ANK2: variants seen among roughly 807,000 people sequenced by gnomAD.
ANK2 encodes the protein ankyrin-2.
A neutral mutation model predicts 360.5 loss-of-function variants in ANK2; 83 were observed. The observed-to-expected ratio is 0.23, with a 90% confidence interval of 0.19 to 0.28. The LOEUF is 0.28. Among genes scored for constraint, ANK2 ranks in the 10% least tolerant of loss-of-function variants. The probability of loss-of-function intolerance (pLI) is 1.00; values close to 1 mark genes in which losing one functional copy is unlikely to be tolerated. For missense variants in ANK2, 4,201 were observed against 4,795.7 expected, an observed-to-expected ratio of 0.88 and a Z score of 3.66; for synonymous variants, 1,740 against 1,759.5, an observed-to-expected ratio of 0.99 and a Z score of 0.28.
intron 1 of ANK2, among the ~76,000 whole-genome samples, chr4:112,857,210 GA>G (rs1044966087): frequency 3.2e-4 from 48 of 151,714 alleles, no homozygotes; most frequent in African/African-American, 9.9e-4. Flanking sequence ...AGTAGGAGGA[GA>G]AAAAAAAGTT....
chr4:113,192,542 T>A (rs2153368321), intron 2 of ANK2, among the ~76,000 whole-genome samples: 1 of 152,306 alleles, frequency 6.6e-6, no homozygotes, highest in East Asian at 1.9e-4. Context: ...GTTTAGCATT[T>A]AATTATTTTA....
chr4:113,264,887 T>A lies in ANK2; in HGVS notation c.1387-10T>A. ...TAATTTATGATTTGACGATCTTTGT[T>A]CCCTGGCAGCGTGGTGAGACGGCAC... is the stretch of plus-strand genomic sequence containing the variant. On this transcript the variant is annotated splice_polypyrimidine_tract_variant and intron_variant, in intron 13 of 45. Coordinates refer to ENST00000357077, the MANE Select transcript of ANK2 (RefSeq NM_001148.6). 1 of 1,557,022 alleles carries A rather than the reference T, an allele frequency of 6.4e-7. No individual in the cohort carries two copies. The highest frequency in any genetic ancestry group is 8.7e-7 in the Non-Finnish European group (1 of 1,149,486).
At chr4:113,154,134 A>G (rs1277760361) in intron 1 of ANK2, among the ~76,000 whole-genome samples, 2 of 152,222 alleles carry the variant, frequency 1.3e-5, no homozygotes, top group Admixed American at 1.3e-4. Flanking sequence ...CTCTGCCAGC[A>G]AATGGGCCCT....
At chr4:113,060,200 T>C (rs2072465170) in intron 1 of ANK2, among the ~76,000 whole-genome samples, 1 of 152,132 alleles carries the variant, frequency 6.6e-6, no homozygotes, top group African/African-American at 2.4e-5. Flanking sequence ...GAACACATGA[T>C]GTTTTGTTAA....
chr4:113,080,930 G>C (rs574501061), intron 1 of ANK2, among the ~76,000 whole-genome samples: 1 of 152,154 alleles, frequency 6.6e-6, no homozygotes, highest in Non-Finnish European at 1.5e-5. Context: ...ATTAGGGACA[G>C]TATAGTAACC....
At chr4:113,184,795 G>A (rs1477555836) in intron 2 of ANK2, among the ~76,000 whole-genome samples, 2 of 151,984 alleles carry the variant, frequency 1.3e-5, no homozygotes, top group African/African-American at 4.8e-5. Context: ...TGCCATGGTG[G>A]TTTGCTGCAC....
chr4:112,715,109 T>C, the ANK2 span, among the ~76,000 whole-genome samples: 1 of 152,188 alleles, frequency 6.6e-6, no homozygotes, highest in African/African-American at 2.4e-5. Flanking sequence ...TAAGATTTGC[T>C]CAGTCACACG....
At chr4:112,883,018 C>CTTTTTTTTTTTTTTTTTTTTTTTTT (rs536262490) in intron 1 of ANK2, among the ~76,000 whole-genome samples, 1 of 30,526 alleles carries the variant, frequency 3.3e-5, no homozygotes, top group Non-Finnish European at 6.4e-5. Context: ...CTTGGTTAGT[C>CTTTTTTTTTTTTTTTTTTTTTTTTT]TTTTTTTTTT....
chr4:113,292,863 C>T (rs186302915), intron 21 of ANK2: 20 of 384,934 alleles, frequency 5.2e-5, no homozygotes, highest in African/African-American at 3.5e-4. Context: ...GAGCTGCTAG[C>T]TTAAACAAAG....
rs769717194 is a variant in ANK2, at chr4:113,258,075, C to T, written c.1214C>T (p.Ala405Val). 4 of 1,614,098 alleles carry T rather than the reference C, an allele frequency of 2.5e-6. No homozygotes were observed. Among genetic ancestry groups the T allele is most frequent in the Admixed American group, 1.7e-5 (1 of 60,012 alleles). The change falls in exon 12 of 46, where the codon GCC (alanine) becomes GTC (valine). Residue 405 changes from alanine (A) to valine (V), a missense_variant. Physicochemically the swap from Ala to Val is moderately conservative, Grantham distance 64. This residue lies in a region of ANK2 where 1,268 missense variants were observed against 1,650.8 expected (regional missense o/e 0.77). Coordinates refer to ENST00000357077, the MANE Select transcript of ANK2 (RefSeq NM_001148.6). ...ALNGFTPLHIACKKNRIKVME... is the reference protein window; with the variant it reads ...ALNGFTPLHIVCKKNRIKVME... ...AATGGTTTTACTCCACTGCACATTG[C>T]CTGCAAGAAAAACCGCATCAAAGTC...
intron 18 of ANK2, among the ~76,000 whole-genome samples, chr4:113,285,458 C>T (rs772606410): frequency 1.4e-4 from 22 of 152,170 alleles, no homozygotes; most frequent in Non-Finnish European, 2.4e-4. Flanking sequence ...CCTTTGAGTT[C>T]CATTAATTCA....
chr4:112,795,781 C>T, the ANK2 span, among the ~76,000 whole-genome samples: 18 of 148,522 alleles, frequency 1.2e-4, no homozygotes, highest in Non-Finnish European at 1.9e-4. Context: ...GGATTACAGG[C>T]GTGAGCCACT....
chr4:113,369,905 A>G, intron 43 of ANK2, 100 bp downstream of exon 43: 2 of 1,471,202 alleles, frequency 1.4e-6, no homozygotes, highest in Non-Finnish European at 1.9e-6. Context: ...TTCAAAACAA[A>G]AAAGTTAACC....
chr4:113,361,909 A>G (rs987426954), intron 39 of ANK2, among the ~76,000 whole-genome samples: 4 of 152,152 alleles, frequency 2.6e-5, no homozygotes, highest in African/African-American at 9.7e-5. Flanking sequence ...TTCAAATCCT[A>G]CCACCATATA....
chr4:112,716,518 T>C, the ANK2 span, among the ~76,000 whole-genome samples: 95 of 152,344 alleles, frequency 6.2e-4, no homozygotes, highest in African/African-American at 2.2e-3. Flanking sequence ...CAATTGTTTA[T>C]ATCGTAAGCC....
At chr4:113,372,533 G>C (rs2096776260) in intron 43 of ANK2, 1 of 1,531,422 alleles carries the variant, frequency 6.5e-7, no homozygotes, top group Admixed American at 2.0e-5. Context: ...CTTCCACCAG[G>C]AGCTAACAGA....
At position 113,203,444 on chromosome 4, in the gene ANK2, A is replaced by T. The variant is rs1057353973; in HGVS notation, c.384+4335A>T. ...TTGCCTATCTCTGATTGCAAAAAAA[A>T]AAAAATACATCTTTAATTTCTCCAA... On this transcript the variant is annotated intron_variant, in intron 4 of 45. Transcript: ENST00000357077. 9.2e-5 allele frequency among the ~76,000 whole-genome samples: 14 copies of T among 152,240 alleles called. No individual in the cohort carries two copies. In the East Asian group the frequency reaches 2.7e-3, roughly 29 times the overall value.
At chr4:112,781,342 T>C in the ANK2 span, among the ~76,000 whole-genome samples, 1 of 152,138 alleles carries the variant, frequency 6.6e-6, no homozygotes, top group African/African-American at 2.4e-5. Flanking sequence ...TCAGGTGATC[T>C]GCCTACCTTG....
At chr4:112,874,642 C>CAAA (rs1160396405) in intron 1 of ANK2, among the ~76,000 whole-genome samples, 6 of 79,558 alleles carry the variant, frequency 7.5e-5, no homozygotes, top group Non-Finnish European at 1.2e-4. Context: ...GACGCCATCT[C>CAAA]AAAAAAAAAA....
Sources: allele counts gnomAD v4.1 joint callset (sites outside exome capture counted in the v4.1 genomes callset), GRCh38; gene constraint gnomAD v4.1.1; regional missense constraint gnomAD v4.1.1; transcripts MANE v1.5; gene names NCBI Gene and HGNC (gene_info 2026-07-23, HGNC 2026-07-21).